The following ATF3 variants were observed in gnomAD, a reference collection of about 807,000 sequenced individuals.
ATF3 encodes cyclic AMP-dependent transcription factor ATF-3.
ATF3 carries 10 observed loss-of-function variants against 18.4 expected under a neutral mutation model. That is an observed-to-expected ratio of 0.54 (90% CI 0.34 to 0.92). The LOEUF (loss-of-function observed/expected upper bound fraction) is 0.92, where lower values mean the gene tolerates loss of function less well. ATF3 is among the 40% of genes least tolerant of loss of function. The probability of loss-of-function intolerance (pLI) is 0.02; values close to 1 mark genes in which losing one functional copy is unlikely to be tolerated. For synonymous variants in ATF3, 78 were observed against 87.9 expected (o/e 0.89, Z 0.63); for missense variants, 183 against 222.3 (o/e 0.82, Z 1.12).
intron 1 of ATF3, among the ~76,000 whole-genome samples, chr1:212,577,550 C>T (rs1664604125): frequency 6.6e-6 from 1 of 152,072 alleles, no homozygotes; most frequent in Admixed American, 6.6e-5. Context: ...AACATCGCTT[C>T]AACTCACCAG....
upstream of ATF3, among the ~76,000 whole-genome samples, chr1:212,606,918 G>A (rs906647007): frequency 2.6e-5 from 4 of 152,174 alleles, no homozygotes; most frequent in African/African-American, 9.7e-5. Flanking sequence ...GGGTGAGGGC[G>A]TGGAAGCGGA....
At chr1:212,597,412 C>CT (rs1558233003) in intron 1 of ATF3, among the ~76,000 whole-genome samples, 6 of 117,626 alleles carry the variant, frequency 5.1e-5, no homozygotes, top group African/African-American at 1.8e-4. Context: ...TACTGAGTTA[C>CT]ATCTATTTAT....
intron 1 of ATF3, among the ~76,000 whole-genome samples, chr1:212,610,478 G>A (rs1180964494): frequency 2.0e-5 from 3 of 152,152 alleles, no homozygotes; most frequent in Non-Finnish European, 4.4e-5. Context: ...GGATATCCTG[G>A]GCAAAGATGG....
chr1:212,597,443 CT>C lies in ATF3; in HGVS notation c.-4-17574del, dbSNP rs1239867175. Among the ~76,000 whole-genome samples the C allele has an allele frequency of 2.0e-5, 3 of 151,994 alleles. No homozygotes were observed. The East Asian group carries it at 5.8e-4, about 29-fold the overall frequency. On this transcript the variant is annotated intron_variant, in intron 1 of 3. Coordinates refer to the ATF3 transcript ENST00000366981. ...TTTATCTATCTATCTATCTATCTAT[CT>C]ATCTATCATCTATCTCTCTATCTAG...
intron 2 of ATF3, among the ~76,000 whole-genome samples, chr1:212,615,858 C>T (rs765093386): frequency 4.7e-5 from 7 of 147,966 alleles, no homozygotes; most frequent in Admixed American, 1.3e-4. Flanking sequence ...GGGGTGATCA[C>T]GGCTCATTGT....
At chr1:212,605,720 T>C (rs953354142), upstream of ATF3, among the ~76,000 whole-genome samples, 1 of 152,240 alleles carries the variant, frequency 6.6e-6, no homozygotes, top group Non-Finnish European at 1.5e-5. Context: ...CCTAGTTCCT[T>C]CCCCTCCCCT....
At chr1:212,591,632 T>C (rs1455137960) in intron 1 of ATF3, among the ~76,000 whole-genome samples, 2 of 152,168 alleles carry the variant, frequency 1.3e-5, no homozygotes, top group Non-Finnish European at 2.9e-5. Flanking sequence ...TTATCCTTGA[T>C]AGTAAGGCAT....
At chr1:212,580,575 G>C (rs1012217347) in intron 1 of ATF3, among the ~76,000 whole-genome samples, 1 of 151,996 alleles carries the variant, frequency 6.6e-6, no homozygotes, top group Non-Finnish European at 1.5e-5. Flanking sequence ...CAAAGCACTG[G>C]GATTACAGGC....
chr1:212,580,571 A>G (rs1286477257), intron 1 of ATF3, among the ~76,000 whole-genome samples: 1 of 151,940 alleles, frequency 6.6e-6, no homozygotes, highest in Non-Finnish European at 1.5e-5. Flanking sequence ...CTCCCAAAGC[A>G]CTGGGATTAC....
At chr1:212,583,480 C>A (rs564460043) in intron 1 of ATF3, among the ~76,000 whole-genome samples, 3 of 152,168 alleles carry the variant, frequency 2.0e-5, no homozygotes, top group Non-Finnish European at 4.4e-5. Context: ...ATTACAGGAA[C>A]CCACAGGGGA....
At chr1:212,604,477 C>G (rs939811505), upstream of ATF3, among the ~76,000 whole-genome samples, 2 of 152,204 alleles carry the variant, frequency 1.3e-5, no homozygotes, top group Non-Finnish European at 2.9e-5. Context: ...TGCCACATCC[C>G]TCTCTCACAA....
chr1:212,610,440 T>A lies in ATF3; in HGVS notation c.-5+1510T>A, dbSNP rs189071843. ...GCAGTTAGCATTGGTTGTAGAATAA[T>A]GCTACAACATACAGGCTCCTGCTTT... is the stretch of plus-strand genomic sequence containing the variant. On this transcript the variant is annotated intron_variant, in intron 1 of 3. Coordinates refer to ENST00000341491, the MANE Select transcript of ATF3 (RefSeq NM_001674.4). 3.3e-5 allele frequency among the ~76,000 whole-genome samples: 5 copies of A among 152,296 alleles called. No individual in the cohort carries two copies. In the East Asian group the frequency reaches 9.6e-4, roughly 29 times the overall value.
chr1:212,595,736 T>C (rs1664980801), intron 1 of ATF3, among the ~76,000 whole-genome samples: 1 of 152,156 alleles, frequency 6.6e-6, no homozygotes, highest in African/African-American at 2.4e-5. Flanking sequence ...AAGTTTCACA[T>C]TGGCTTAATG....
intron 1 of ATF3, among the ~76,000 whole-genome samples, chr1:212,567,200 G>T (rs912033012): frequency 1.3e-5 from 2 of 151,622 alleles, no homozygotes; most frequent in African/African-American, 4.9e-5. Flanking sequence ...GAGACGTTCA[G>T]AGGTTGGCAG....
chr1:212,570,616 C>T (rs1286836340), intron 1 of ATF3, among the ~76,000 whole-genome samples: 4 of 152,196 alleles, frequency 2.6e-5, no homozygotes, highest in East Asian at 1.9e-4. Flanking sequence ...TCTCTCCCAG[C>T]TGGTCCTCAC....
At chr1:212,603,662 G>A (rs1654544451) in intron 1 of ATF3, among the ~76,000 whole-genome samples, 1 of 152,064 alleles carries the variant, frequency 6.6e-6, no homozygotes, top group Admixed American at 6.5e-5. Flanking sequence ...ACATCCATTG[G>A]CAAGTTATGG....
At chr1:212,609,032 C>G (rs1287430752) in intron 1 of ATF3, 102 bp downstream of exon 1, 2 of 152,028 alleles carry the variant, frequency 1.3e-5, no homozygotes, top group Admixed American at 6.5e-5. Context: ...TGACCCACCC[C>G]GGATCCGCGC....
chr1:212,576,853 G>A (rs367923095), intron 1 of ATF3, among the ~76,000 whole-genome samples: 20 of 148,500 alleles, frequency 1.3e-4, no homozygotes, highest in East Asian at 1.0e-3. Flanking sequence ...TCAGCCTCCC[G>A]AGTAGATGGG....
intron 1 of ATF3, among the ~76,000 whole-genome samples, chr1:212,566,755 C>T (rs992617162): frequency 9.2e-5 from 14 of 152,176 alleles, no homozygotes; most frequent in African/African-American, 9.7e-5. Context: ...GCAAAGCACG[C>T]GCTGGGAAGC....
Sources: allele counts gnomAD v4.1 joint callset (sites outside exome capture counted in the v4.1 genomes callset), GRCh38; gene constraint gnomAD v4.1.1; transcripts MANE v1.5; gene names NCBI Gene and HGNC (gene_info 2026-07-23, HGNC 2026-07-21).